The following TENM2 variants were observed in gnomAD, a reference collection of about 807,000 sequenced individuals.
The protein encoded by TENM2 is teneurin transmembrane protein 2.
In TENM2, 52 loss-of-function variants were observed where a neutral mutation model predicts 245.2. The observed-to-expected ratio is 0.21, with a 90% CI of 0.17 to 0.27. TENM2 has a LOEUF of 0.27. Among genes scored for constraint, TENM2 ranks in the 10% least tolerant of loss-of-function variants. The pLI is 1.00. For synonymous variants in TENM2, 1,363 were observed against 1,438.9 expected, an observed-to-expected ratio of 0.95 and a Z score of 1.19; for missense variants, 3,046 against 3,666.8, an observed-to-expected ratio of 0.83 and a Z score of 4.37.
chr5:168,048,769 G>T (rs1788834612), intron 6 of TENM2, among the ~76,000 whole-genome samples: 1 of 152,112 alleles, frequency 6.6e-6, no homozygotes, highest in Non-Finnish European at 1.5e-5. Flanking sequence ...AATGCTTTGA[G>T]GATGACTTTT....
chr5:167,746,217 C>T (rs76046887), intron 2 of TENM2, among the ~76,000 whole-genome samples: 2,746 of 152,202 alleles, frequency 0.018, 66 homozygotes, highest in African/African-American at 0.06. Flanking sequence ...GGCATTTCCA[C>T]GAAGCTTGCA....
At chr5:167,818,162 G>A (rs1203173131) in intron 2 of TENM2, among the ~76,000 whole-genome samples, 1 of 152,134 alleles carries the variant, frequency 6.6e-6, no homozygotes, top group African/African-American at 2.4e-5. Context: ...TTTTAAAAAG[G>A]TAACTTTCAT....
chr5:168,179,801 C>A (rs1413997735), intron 13 of TENM2, among the ~76,000 whole-genome samples: 1 of 152,110 alleles, frequency 6.6e-6, no homozygotes, highest in Non-Finnish European at 1.5e-5. Flanking sequence ...TTAATAGCAC[C>A]CAGGATTCTG....
At chr5:167,437,368 T>C (rs1304448908) in intron 2 of TENM2, among the ~76,000 whole-genome samples, 2 of 152,236 alleles carry the variant, frequency 1.3e-5, no homozygotes, top group Admixed American at 1.3e-4. Flanking sequence ...TTGGAATGGC[T>C]GTATTTATCG....
At chr5:167,099,319 T>A in the TENM2 span, among the ~76,000 whole-genome samples, 2 of 152,342 alleles carry the variant, frequency 1.3e-5, no homozygotes, top group African/African-American at 4.8e-5. Flanking sequence ...ATTGTAATTG[T>A]CATTGTACTA....
rs58820246 is a variant in TENM2 at position 167,846,189 on chromosome 5, G to T, written c.503-29797G>T. Among the ~76,000 whole-genome samples, 3 of 152,156 alleles carry T rather than the reference G, an allele frequency of 2.0e-5. No homozygotes were observed. The East Asian group carries it at 5.8e-4, about 29-fold the overall frequency. On this transcript the variant is annotated intron_variant, in intron 2 of 28. Coordinates refer to ENST00000518659, the Ensembl canonical transcript of TENM2. ...TGTCTATCTCCCTCACTGAAGTGTG[G>T]ATTCCTCAAGGACACAGACTGTGTC...
At chr5:167,343,451 A>T (rs563102959) in intron 1 of TENM2, among the ~76,000 whole-genome samples, 1 of 152,304 alleles carries the variant, frequency 6.6e-6, no homozygotes, top group Admixed American at 6.5e-5. Context: ...CCCATACAGT[A>T]TGGAGAAGAA....
intron 2 of TENM2, among the ~76,000 whole-genome samples, chr5:167,400,815 G>A (rs935359116): frequency 6.6e-6 from 1 of 152,120 alleles, no homozygotes; most frequent in Admixed American, 6.6e-5. Context: ...GGTCAACCAT[G>A]CCATAAGCCA....
chr5:167,573,727 A>C (rs886550542), intron 2 of TENM2, among the ~76,000 whole-genome samples: 1 of 152,176 alleles, frequency 6.6e-6, no homozygotes, highest in African/African-American at 2.4e-5. Context: ...GCATGTATGC[A>C]GCTCAGTTTG....
intron 2 of TENM2, among the ~76,000 whole-genome samples, chr5:167,812,589 C>T (rs2150999227): frequency 6.6e-6 from 1 of 152,308 alleles, no homozygotes; most frequent in Middle Eastern, 3.4e-3. Flanking sequence ...CTTAGAGTTG[C>T]ATTCTTTAAG....
chr5:167,212,234 C>T, the TENM2 span, among the ~76,000 whole-genome samples: 4 of 151,332 alleles, frequency 2.6e-5, no homozygotes, highest in Admixed American at 6.6e-5. Context: ...TTCCATAGCT[C>T]GACAGACCTG....
intron 2 of TENM2, among the ~76,000 whole-genome samples, chr5:167,830,375 G>A (rs1037023731): frequency 5.9e-5 from 9 of 151,946 alleles, no homozygotes; most frequent in Non-Finnish European, 1.2e-4. Context: ...TTTTTACTTA[G>A]GAATGGGTAT....
intron 2 of TENM2, among the ~76,000 whole-genome samples, chr5:167,420,448 G>C (rs1316075168): frequency 6.6e-6 from 1 of 152,090 alleles, no homozygotes; most frequent in Non-Finnish European, 1.5e-5. Context: ...CAGCAGGGGA[G>C]CCCTGGAAGT....
intron 7 of TENM2, chr5:168,085,376 G>C (rs982143605): frequency 6.6e-6 from 1 of 152,166 alleles, no homozygotes; most frequent in Admixed American, 6.5e-5. Flanking sequence ...ATTCTTGCCT[G>C]TGGAGCCTGG....
intron 5 of TENM2, among the ~76,000 whole-genome samples, chr5:168,007,838 A>C (rs777286594): frequency 2.0e-4 from 31 of 152,104 alleles, no homozygotes; most frequent in Non-Finnish European, 3.8e-4. Flanking sequence ...TCAACTCTCA[A>C]CTTCTTCTAA....
intron 1 of TENM2, among the ~76,000 whole-genome samples, chr5:167,341,798 A>C (rs1758115114): frequency 6.6e-6 from 1 of 152,176 alleles, no homozygotes; most frequent in Admixed American, 6.5e-5. Context: ...GCCTGAGGCA[A>C]AGTAACAGTT....
At chr5:167,592,774 T>A (rs1335619566) in intron 2 of TENM2, among the ~76,000 whole-genome samples, 2 of 152,334 alleles carry the variant, frequency 1.3e-5, no homozygotes, top group East Asian at 3.9e-4. Flanking sequence ...ACAGATAAGC[T>A]CTTATTTACT....
At chr5:168,225,951 G>A (rs1453965786) in intron 23 of TENM2, 137 bp from the exon 26 acceptor site, 18 of 664,164 alleles carry the variant, frequency 2.7e-5, no homozygotes, top group African/African-American at 1.5e-4. Flanking sequence ...TGACTGTGAC[G>A]AGGGGCCTCA....
At chr5:167,673,070 G>A (rs1415870635) in intron 2 of TENM2, among the ~76,000 whole-genome samples, 1 of 151,952 alleles carries the variant, frequency 6.6e-6, no homozygotes, top group African/African-American at 2.4e-5. Context: ...TGTATAAAAA[G>A]CATTAAACAA....
Sources: gnomAD v4.1 joint callset for allele counts (sites outside exome capture counted in the v4.1 genomes callset) on GRCh38, gnomAD v4.1.1 for gene constraint, MANE v1.5 for transcripts, NCBI Gene and HGNC (gene_info 2026-07-23, HGNC 2026-07-21) for gene names.